The following TFAP2E variants were observed in gnomAD, a reference collection of about 807,000 sequenced individuals.
TFAP2E encodes the protein transcription factor AP-2 epsilon.
A neutral mutation model predicts 37.9 loss-of-function variants in TFAP2E; 30 were observed. That is an observed-to-expected ratio of 0.79 (90% CI 0.59 to 1.07). The LOEUF (loss-of-function observed/expected upper bound fraction) is 1.07. Among genes scored for constraint, TFAP2E ranks in the 50% least tolerant of loss-of-function variants. The probability of loss-of-function intolerance (pLI) is 0.00; values close to 1 mark genes in which losing one functional copy is unlikely to be tolerated. For missense variants in TFAP2E, 567 were observed against 637.9 expected, an observed-to-expected ratio of 0.89 and a Z score of 1.20; for synonymous variants, 318 against 295.8, an observed-to-expected ratio of 1.08 and a Z score of -0.77.
intron 2 of TFAP2E, 188 bp from the exon 3 acceptor site, chr1:35,574,761 A>G: frequency 1.3e-6 from 1 of 755,328 alleles, no homozygotes; most frequent in East Asian, 2.5e-5. Flanking sequence ...TTTGCACTGC[A>G]CAGTGAGATG....
chr1:35,577,086 G>C lies in TFAP2E; in HGVS notation c.562+2086G>C, dbSNP rs746217442. Reference sequence around the variant, plus strand: ...CCAGTGGAGCGAGTGGAGCGCTGGCGACCTGAGCGGAGACTGCGCCCTGGA... The same window carrying C: ...CCAGTGGAGCGAGTGGAGCGCTGGCCACCTGAGCGGAGACTGCGCCCTGGA... On this transcript the variant is annotated intron_variant, in intron 3 of 6. Coordinates refer to ENST00000373235, the MANE Select transcript of TFAP2E (RefSeq NM_178548.4). This position sits in a 1 kb window ranked among gnomAD's most constrained non-coding sequence, Gnocchi z 6.3. Among the ~76,000 whole-genome samples, 21 of 152,198 alleles carry C rather than the reference G, an allele frequency of 1.4e-4. No individual in the cohort carries two copies. The highest frequency in any genetic ancestry group is 2.4e-4 in the Non-Finnish European group (16 of 68,026).
At chr1:35,574,866 G>C (rs1462792989) in intron 2 of TFAP2E, 83 bp from the exon 3 acceptor site, 7 of 1,593,632 alleles carry the variant, frequency 4.4e-6, no homozygotes, top group African/African-American at 1.3e-5. Flanking sequence ...GGAGCAGACA[G>C]AGACCCTGGG....
chr1:35,581,900 G>C (rs1201566511), intron 3 of TFAP2E, among the ~76,000 whole-genome samples: 2 of 148,336 alleles, frequency 1.3e-5, no homozygotes, highest in Non-Finnish European at 3.0e-5. Flanking sequence ...TTTTGAGATG[G>C]ATTGTCTCTC....
rs1003164692 is a variant in TFAP2E at position 35,588,135 on chromosome 1, G to A, written c.563-195G>A. 6.6e-6 allele frequency among the ~76,000 whole-genome samples: 1 copy of A among 152,162 alleles called. No homozygotes were observed. Among genetic ancestry groups the A allele is most frequent in the African/African-American group, 2.4e-5 (1 of 41,432 alleles). On this transcript the variant is annotated intron_variant, in intron 3 of 6. Coordinates refer to ENST00000373235, the MANE Select transcript of TFAP2E (RefSeq NM_178548.4). The surrounding 1 kb of genome is among the most constrained non-coding windows in gnomAD (Gnocchi z 5.1). Reference sequence around the variant, plus strand: ...TAGGACCAGCCTGGTTCAGTGAGGGGGACACAGATTCAAGAGCCAGACAAC... The same window carrying A: ...TAGGACCAGCCTGGTTCAGTGAGGGAGACACAGATTCAAGAGCCAGACAAC...
chr1:35,580,204 C>A (rs1649306146), intron 3 of TFAP2E, among the ~76,000 whole-genome samples: 1 of 151,718 alleles, frequency 6.6e-6, no homozygotes, highest in South Asian at 2.1e-4. Flanking sequence ...GAGCAAAACT[C>A]CATCTTAAAA....
In TFAP2E at chr1:35,575,106, G is replaced by A. The variant is rs1270877349; in HGVS notation, c.562+106G>A. On this transcript the variant is annotated intron_variant, in intron 3 of 6. Transcript: ENST00000373235. ...TGCCTCCTGTGTGTCGCCAGGCTGGGTGTCCACCAGGCACTCTTCCTGGCC... is the reference window on the plus strand; with the variant it reads ...TGCCTCCTGTGTGTCGCCAGGCTGGATGTCCACCAGGCACTCTTCCTGGCC... 8.5e-6 allele frequency: 12 copies of A among 1,419,228 alleles called. No individual in the cohort carries two copies. In the East Asian group the frequency reaches 1.9e-4, roughly 22 times the overall value. 87.9% of individuals were successfully genotyped at this position (1,419,228 alleles called of 1,614,324 possible).
rs537760502 is a variant in TFAP2E, at chr1:35,573,674, C to T, written c.27+70C>T. 3.5e-5 allele frequency: 53 copies of T among 1,513,650 alleles called. No individual in the cohort carries two copies. In the East Asian group the frequency reaches 1.2e-3, roughly 33 times the overall value. 93.8% of individuals were successfully genotyped at this position (1,513,650 alleles called of 1,614,324 possible). ...GCGCCTGAGTGCTGGACTTTCCAAC[C>T]CTCCTGTCCCGCGCTAACGAAATCT... is the stretch of plus-strand genomic sequence containing the variant. On this transcript the variant is annotated intron_variant, in intron 1 of 6. Coordinates refer to ENST00000373235, the MANE Select transcript of TFAP2E (RefSeq NM_178548.4). This position sits in a 1 kb window ranked among gnomAD's most constrained non-coding sequence, Gnocchi z 5.9.
chr1:35,589,876 T>G lies in TFAP2E; in HGVS notation c.786-54T>G, dbSNP rs1649606124. The G allele has an allele frequency of 3.8e-6, 6 of 1,589,250 alleles. No homozygotes were observed. In the Admixed American group the frequency reaches 5.0e-5, roughly 13 times the overall value. The stretch of plus-strand genomic sequence containing the variant: ...CCCTTTGGCAGCCACTTAGCTTCCA[T>G]GCGTTTCTCTTGTCTTCATAGTTGT... On this transcript the variant is annotated intron_variant, in intron 4 of 6. Transcript: ENST00000373235.
At chr1:35,593,770 A>G (rs1487348434) in intron 6 of TFAP2E, among the ~76,000 whole-genome samples, 1 of 152,238 alleles carries the variant, frequency 6.6e-6, no homozygotes, top group African/African-American at 2.4e-5. Context: ...CCTGAGCCAC[A>G]CACAGGACGC....
Position 35,594,442 on chromosome 1 carries a change from G to T in TFAP2E, c.1095G>T (p.Pro365=). 6.2e-7 allele frequency: 1 copy of T among 1,614,088 alleles called. No individual in the cohort carries two copies. The highest frequency in any genetic ancestry group is 8.5e-7 in the Non-Finnish European group (1 of 1,180,028). Residue 365 remains proline, a synonymous_variant, in exon 7 of 7, where the codon CCG becomes CCT. Coordinates refer to ENST00000373235, the MANE Select transcript of TFAP2E (RefSeq NM_178548.4). ...FADLMAQDRS[P]LGNSRPALIL... is the part of the protein sequence containing the mutation. ...ACTTGATGGCTCAGGACCGCTCACC[G>T]CTGGGCAACAGCCGCCCAGCACTCA...
intron 3 of TFAP2E, among the ~76,000 whole-genome samples, 154 bp downstream of exon 3, chr1:35,575,154 G>C (rs1485916254): frequency 2.0e-5 from 3 of 152,212 alleles, no homozygotes; most frequent in Non-Finnish European, 4.4e-5. Flanking sequence ...AGGCAGACGT[G>C]CGGGCTTGGT....
chr1:35,578,487 G>A (rs1649247624), intron 3 of TFAP2E, among the ~76,000 whole-genome samples: 2 of 152,140 alleles, frequency 1.3e-5, no homozygotes, highest in Admixed American at 6.5e-5. Flanking sequence ...ATCAGAGCTG[G>A]AGGGGAGTGG....
chr1:35,582,741 C>T (rs1276978068), intron 3 of TFAP2E, among the ~76,000 whole-genome samples: 2 of 151,892 alleles, frequency 1.3e-5, no homozygotes, highest in East Asian at 1.9e-4. Flanking sequence ...CACACTGCAC[C>T]CTCGAACTCC....
chr1:35,592,947 G>T (rs1016684704), intron 6 of TFAP2E, among the ~76,000 whole-genome samples: 1 of 152,192 alleles, frequency 6.6e-6, no homozygotes, highest in African/African-American at 2.4e-5. Flanking sequence ...ACCTAGTGGG[G>T]TAGAATTTCA....
At position 35,594,481 on chromosome 1, in the gene TFAP2E, A is replaced by G; in HGVS notation, c.1134A>G (p.Gly378=). 1 of 1,614,158 alleles carries G rather than the reference A, an allele frequency of 6.2e-7. No individual in the cohort carries two copies. The highest frequency in any genetic ancestry group is 8.5e-7 in the Non-Finnish European group (1 of 1,180,034). The change falls in exon 7 of 7, where the codon GGA becomes GGG. Residue 378 remains glycine (G), a synonymous_variant. Transcript: ENST00000373235. ...GCCCAGCACTCATCCTGGAGCCCGG[A>G]GTACAGAGCTGCTTGACACACTTTA... ...NSRPALILEP[G]VQSCLTHFSL...
At chr1:35,576,255 T>C (rs1649167185) in intron 3 of TFAP2E, among the ~76,000 whole-genome samples, 1 of 151,584 alleles carries the variant, frequency 6.6e-6, no homozygotes, top group African/African-American at 2.4e-5. Context: ...GTGGATGACT[T>C]GGAGTGTGTA....
rs1310354012 is a variant in TFAP2E at position 35,577,096 on chromosome 1, G to T, written c.562+2096G>T. ...GAGTGGAGCGCTGGCGACCTGAGCG[G>T]AGACTGCGCCCTGGACGCCCCAGCC... On this transcript the variant is annotated intron_variant, in intron 3 of 6. Transcript: ENST00000373235. This position sits in a 1 kb window ranked among gnomAD's most constrained non-coding sequence, Gnocchi z 6.3. 1.3e-5 allele frequency among the ~76,000 whole-genome samples: 2 copies of T among 152,234 alleles called. No individual in the cohort carries two copies. Among genetic ancestry groups the T allele is most frequent in the Non-Finnish European group, 2.9e-5 (2 of 68,038 alleles).
At chr1:35,575,025 A>G (rs1413581326) in intron 3 of TFAP2E, 25 bp downstream of exon 3, 4 of 1,613,558 alleles carry the variant, frequency 2.5e-6, no homozygotes, top group Non-Finnish European at 3.4e-6. Context: ...GTCAGGGCAG[A>G]GCCCGGCGAG....
At position 35,578,179 on chromosome 1, in the gene TFAP2E, G is replaced by C. The variant is rs149089699; in HGVS notation, c.562+3179G>C. Among the ~76,000 whole-genome samples, 736 of 152,268 alleles carry C rather than the reference G, an allele frequency of 4.8e-3. 4 individuals carry two copies. The highest frequency in any genetic ancestry group is 0.017 in the African/African-American group (702 of 41,542). On this transcript the variant is annotated intron_variant, in intron 3 of 6. Transcript: ENST00000373235. ...TTTGAAGTCTGAGTGCATTGAAAGA[G>C]GGGGTGTGTAAAAAGGGCTCCTTTC...
Sources: allele counts gnomAD v4.1 joint callset (sites outside exome capture counted in the v4.1 genomes callset), GRCh38; gene constraint gnomAD v4.1.1; non-coding constraint Gnocchi (gnomAD v3.1); transcripts MANE v1.5; gene names NCBI Gene and HGNC (gene_info 2026-07-23, HGNC 2026-07-21).